Variants in RAB37 observed in about 807,000 individuals in gnomAD.
RAB37 encodes RAB37, member RAS oncogene family.
In RAB37, 29 loss-of-function variants were observed where a neutral mutation model predicts 33.1. The ratio of observed to expected loss-of-function variants is 0.88; its 90% CI spans 0.65 to 1.20. RAB37 has a LOEUF of 1.20. Ranked by LOEUF, RAB37 falls within the 50% of genes most tolerant of loss-of-function variation. The pLI, the probability that RAB37 is intolerant of heterozygous loss-of-function variation, is 0.00. For synonymous variants in RAB37, 128 were observed against 119.5 expected (o/e 1.07, Z -0.47); for missense variants, 299 against 301.1 (o/e 0.99, Z 0.05).
At chr17:74,691,754 A>T (rs1412883865) in intron 1 of RAB37, among the ~76,000 whole-genome samples, 1 of 152,152 alleles carries the variant, frequency 6.6e-6, no homozygotes, top group East Asian at 1.9e-4. Context: ...GCATATACTT[A>T]TACATTCTGG....
intron 1 of RAB37, among the ~76,000 whole-genome samples, chr17:74,694,114 G>A (rs929719989): frequency 6.6e-6 from 1 of 152,026 alleles, no homozygotes; most frequent in African/African-American, 2.4e-5. Flanking sequence ...CTGCTTACTT[G>A]CCATTAAACT....
At position 74,703,010 on chromosome 17, in the gene RAB37, C is replaced by T. The variant is rs2033198520; in HGVS notation, c.73-26246C>T. ...TTGGAGGAGTTTGGGCCAAGTAGGC[C>T]ACAGTGGAACCAGAGCTGGCTTACC... On this transcript the variant is annotated intron_variant, in intron 1 of 7. Coordinates refer to the RAB37 transcript ENST00000340415. 4 of 1,592,354 alleles carry T rather than the reference C, an allele frequency of 2.5e-6. No homozygotes were observed. The African/African-American group carries it at 5.4e-5, about 21-fold the overall frequency.
At chr17:74,724,214 C>T (rs2034277469) in intron 1 of RAB37, among the ~76,000 whole-genome samples, 1 of 152,120 alleles carries the variant, frequency 6.6e-6, no homozygotes, top group Admixed American at 6.6e-5. Context: ...AGACATCAAT[C>T]AAGATATGTT....
intron 1 of RAB37, among the ~76,000 whole-genome samples, chr17:74,713,876 A>C (rs2143984809): frequency 8.1e-6 from 1 of 122,874 alleles, no homozygotes; most frequent in African/African-American, 3.1e-5. Context: ...CAGCCTGGGC[A>C]ACATGGCAAG....
intron 1 of RAB37, chr17:74,704,668 G>T: frequency 6.2e-7 from 1 of 1,614,138 alleles, no homozygotes; most frequent in Non-Finnish European, 8.5e-7. Context: ...TTTTAACAAG[G>T]ATCTTGCAGT....
intron 1 of RAB37, among the ~76,000 whole-genome samples, chr17:74,726,298 G>C (rs1266880750): frequency 6.6e-6 from 1 of 150,454 alleles, no homozygotes; most frequent in Non-Finnish European, 1.5e-5. Context: ...CCCGAGCCAA[G>C]GTTCAGCTGA....
At chr17:74,679,337 A>G (rs1399574549) in intron 1 of RAB37, among the ~76,000 whole-genome samples, 2 of 152,136 alleles carry the variant, frequency 1.3e-5, no homozygotes, top group Admixed American at 1.3e-4. Flanking sequence ...TCTGGTACAC[A>G]GTCCAGATGA....
intron 1 of RAB37, chr17:74,702,900 C>T: frequency 1.4e-6 from 1 of 696,890 alleles, no homozygotes; most frequent in South Asian, 1.8e-5. Flanking sequence ...GTGGGAAGGG[C>T]TCCCAGCTTC....
At chr17:74,684,247 T>C (rs2032009180) in intron 1 of RAB37, among the ~76,000 whole-genome samples, 1 of 151,396 alleles carries the variant, frequency 6.6e-6, no homozygotes, top group South Asian at 2.1e-4. Context: ...TACAGATGTG[T>C]GCCATGAAGC....
intron 1 of RAB37, chr17:74,673,128 G>C (rs879921211): frequency 2.0e-5 from 3 of 152,234 alleles, no homozygotes; most frequent in Admixed American, 2.0e-4. Flanking sequence ...TGCAAGGCCA[G>C]GCATGGTGGC....
At chr17:74,688,123 C>T (rs1403348149) in intron 1 of RAB37, among the ~76,000 whole-genome samples, 1 of 152,220 alleles carries the variant, frequency 6.6e-6, no homozygotes, top group African/African-American at 2.4e-5. Flanking sequence ...GCACAGAGTG[C>T]TCACAGCTGG....
Position 74,695,966 on chromosome 17 carries a change from C to T in RAB37, c.72+24308C>T, listed in dbSNP as rs1428772986. On this transcript the variant is annotated intron_variant, in intron 1 of 7. Coordinates refer to the RAB37 transcript ENST00000340415. Reference sequence around the variant, plus strand: ...AGCCTCTCCACTTCCCCAGGTGCCCCTCTCCCATTTCCCTCCGTGTCCTCC... The same window carrying T: ...AGCCTCTCCACTTCCCCAGGTGCCCTTCTCCCATTTCCCTCCGTGTCCTCC... 2.2e-6 allele frequency: 3 copies of T among 1,386,838 alleles called. No individual in the cohort carries two copies. In the African/African-American group the frequency reaches 4.3e-5, roughly 20 times the overall value. 85.9% of individuals were successfully genotyped at this position (1,386,838 alleles called of 1,614,324 possible). A position where few individuals can be genotyped will look rare whatever the true frequency, so the allele number is the denominator to read the frequency against.
At position 74,738,513 on chromosome 17, in the gene RAB37, G is replaced by T. The variant is rs1367653982; in HGVS notation, c.93+1148G>T. Among the ~76,000 whole-genome samples, 1 of 152,200 alleles carries T rather than the reference G, an allele frequency of 6.6e-6. No homozygotes were observed. The highest frequency in any genetic ancestry group is 1.5e-5 in the Non-Finnish European group (1 of 68,028). On this transcript the variant is annotated intron_variant, in intron 1 of 8. Transcript: ENST00000392613. This position sits in a 1 kb window ranked among gnomAD's most constrained non-coding sequence, Gnocchi z 5.0. The stretch of plus-strand genomic sequence containing the variant: ...GGTTGTTTGCCTAGGAGGTGGCCAG[G>T]CTAGGCAGCTGTTTGTGTTTGGTGG...
intron 1 of RAB37, among the ~76,000 whole-genome samples, chr17:74,707,783 C>T (rs1373990152): frequency 6.7e-6 from 1 of 150,260 alleles, no homozygotes; most frequent in Non-Finnish European, 1.5e-5. Context: ...AGTTAATAAA[C>T]CATGAATAAG....
At chr17:74,674,114 T>C (rs2031768467) in intron 1 of RAB37, among the ~76,000 whole-genome samples, 1 of 152,152 alleles carries the variant, frequency 6.6e-6, no homozygotes, top group African/African-American at 2.4e-5. Context: ...TCTCAGTCTG[T>C]CACCCAGGCT....
chr17:74,737,122 G>C, upstream of RAB37: 10 of 1,597,718 alleles, frequency 6.3e-6, no homozygotes, highest in South Asian at 1.1e-5. Flanking sequence ...AGCAAGGTCC[G>C]AGCCGGTGTC....
chr17:74,672,896 C>A (rs1255582682), intron 1 of RAB37: 1 of 152,112 alleles, frequency 6.6e-6, no homozygotes, highest in East Asian at 1.9e-4. Context: ...CTGTTTCTGA[C>A]ACAAATGAAA....
chr17:74,689,043 C>G (rs2032110595), intron 1 of RAB37, among the ~76,000 whole-genome samples: 1 of 152,114 alleles, frequency 6.6e-6, no homozygotes, highest in Admixed American at 6.6e-5. Context: ...GGCTCAAACC[C>G]GTAATCTCAG....
intron 1 of RAB37, among the ~76,000 whole-genome samples, chr17:74,673,570 T>A (rs919699516): frequency 1.3e-5 from 2 of 151,774 alleles, no homozygotes; most frequent in Non-Finnish European, 2.9e-5. Flanking sequence ...GAGCTCAGAT[T>A]GTTCAAAATA....
Sources: allele counts gnomAD v4.1 joint callset (sites outside exome capture counted in the v4.1 genomes callset), GRCh38; gene constraint gnomAD v4.1.1; non-coding constraint Gnocchi (gnomAD v3.1); transcripts MANE v1.5; gene names NCBI Gene and HGNC (gene_info 2026-07-23, HGNC 2026-07-21).